RBFOX1: variants seen among roughly 807,000 people sequenced by gnomAD.
The protein encoded by RBFOX1 is RNA binding fox-1 homolog 1.
In RBFOX1, 8 loss-of-function variants were observed where a neutral mutation model predicts 57.7. The observed-to-expected ratio is 0.14, with a 90% confidence interval of 0.08 to 0.25. The LOEUF is 0.25. Among genes scored for constraint, RBFOX1 ranks in the 10% least tolerant of loss-of-function variants. RBFOX1 has a pLI of 1.00. For missense variants in RBFOX1, 611 were observed against 548.5 expected (o/e 1.11, Z -1.14); for synonymous variants, 326 against 222.4 (o/e 1.47, Z -4.15).
chr16:6,834,805 C>G (rs1330799097), intron 3 of RBFOX1, among the ~76,000 whole-genome samples: 2 of 151,662 alleles, frequency 1.3e-5, no homozygotes, highest in East Asian at 3.9e-4. Flanking sequence ...TAAATGTTTT[C>G]TTTTTCTCCC....
chr16:5,938,617 G>T (rs1011859855), intron 4 of RBFOX1, among the ~76,000 whole-genome samples: 2 of 152,108 alleles, frequency 1.3e-5, no homozygotes, highest in Non-Finnish European at 2.9e-5. Context: ...AACTTGATTT[G>T]GCTAATAGGA....
At chr16:7,121,460 A>G (rs1214701091) in intron 4 of RBFOX1, among the ~76,000 whole-genome samples, 1 of 152,112 alleles carries the variant, frequency 6.6e-6, no homozygotes, top group Non-Finnish European at 1.5e-5. Context: ...TTAAAAACAA[A>G]CCATTTACAA....
At chr16:6,810,637 G>T (rs2088278676) in intron 3 of RBFOX1, among the ~76,000 whole-genome samples, 2 of 152,014 alleles carry the variant, frequency 1.3e-5, no homozygotes, top group South Asian at 4.2e-4. Flanking sequence ...TTTTATAAAG[G>T]AAAGAGGTTT....
chr16:5,288,228 A>G (rs1446200146), intron 1 of RBFOX1, among the ~76,000 whole-genome samples: 1 of 152,238 alleles, frequency 6.6e-6, no homozygotes, highest in Non-Finnish European at 1.5e-5. Context: ...AGGGGTCAGA[A>G]TTGTTGAATA....
chr16:6,434,089 C>T (rs955933985), intron 2 of RBFOX1, among the ~76,000 whole-genome samples: 1 of 152,002 alleles, frequency 6.6e-6, no homozygotes, highest in African/African-American at 2.4e-5. Context: ...CTCAGGTTAT[C>T]CACCCACTTT....
intron 3 of RBFOX1, among the ~76,000 whole-genome samples, chr16:6,670,643 G>A (rs759662511): frequency 2.6e-5 from 4 of 152,064 alleles, no homozygotes; most frequent in Non-Finnish European, 5.9e-5. Context: ...ACTAAAATTA[G>A]CCAGGTTAAC....
At chr16:6,625,653 G>A (rs1174422459) in intron 2 of RBFOX1, among the ~76,000 whole-genome samples, 3 of 141,430 alleles carry the variant, frequency 2.1e-5, no homozygotes, top group Admixed American at 1.4e-4. Flanking sequence ...CACCGCCCCC[G>A]CCCCAAGAAA....
intron 14 of RBFOX1, among the ~76,000 whole-genome samples, chr16:7,703,694 G>A (rs969904036): frequency 2.0e-5 from 3 of 152,158 alleles, no homozygotes; most frequent in Non-Finnish European, 4.4e-5. Flanking sequence ...ACGTGTCTCA[G>A]TAGAGTTGAT....
intron 4 of RBFOX1, among the ~76,000 whole-genome samples, chr16:5,922,346 A>C (rs2058842925): frequency 6.6e-6 from 1 of 152,188 alleles, no homozygotes; most frequent in Non-Finnish European, 1.5e-5. Flanking sequence ...ACAAACATCT[A>C]AACCATATAG....
rs139909615 is a variant in RBFOX1, at chr16:6,433,454, G to C, written c.-64+116397G>C. Among the ~76,000 whole-genome samples, 20 of 152,342 alleles carry C rather than the reference G, an allele frequency of 1.3e-4. 1 individual carries two copies. The highest frequency in any genetic ancestry group is 4.8e-4 in the African/African-American group (20 of 41,586). On this transcript the variant is annotated intron_variant, in intron 2 of 15. Transcript: ENST00000550418. ...TCATGGGACTCAGACATGAATGCAA[G>C]TGTGGGGCCAGAGGCCAGCCTAGGA... is the stretch of plus-strand genomic sequence containing the variant.
At chr16:6,794,824 C>T (rs376895536) in intron 3 of RBFOX1, among the ~76,000 whole-genome samples, 1 of 152,218 alleles carries the variant, frequency 6.6e-6, no homozygotes, top group Admixed American at 6.5e-5. Flanking sequence ...TTATTTGATG[C>T]AGGCACTGCT....
chr16:5,868,163 C>G (rs2057386841), intron 4 of RBFOX1, among the ~76,000 whole-genome samples: 1 of 152,154 alleles, frequency 6.6e-6, no homozygotes, highest in Non-Finnish European at 1.5e-5. Flanking sequence ...GTAATGGGCT[C>G]CTGCAAAATA....
intron 14 of RBFOX1, among the ~76,000 whole-genome samples, chr16:7,692,727 A>G (rs1315346324): frequency 6.6e-6 from 1 of 152,082 alleles, no homozygotes; most frequent in Non-Finnish European, 1.5e-5. Flanking sequence ...AGCATTTTCT[A>G]TTTTCATTAT....
chr16:5,282,904 A>G (rs1047641747), intron 1 of RBFOX1, among the ~76,000 whole-genome samples: 1 of 152,200 alleles, frequency 6.6e-6, no homozygotes, highest in African/African-American at 2.4e-5. Flanking sequence ...TCAATGGGGA[A>G]AATGTCTCCA....
At chr16:7,064,483 T>C (rs969812748) in intron 4 of RBFOX1, among the ~76,000 whole-genome samples, 2 of 151,914 alleles carry the variant, frequency 1.3e-5, no homozygotes, top group Admixed American at 1.3e-4. Flanking sequence ...GGTGTTCTTA[T>C]AAGAAGAGGA....
intron 4 of RBFOX1, among the ~76,000 whole-genome samples, chr16:6,004,672 C>A (rs150881793): frequency 6.6e-6 from 1 of 152,224 alleles, no homozygotes; most frequent in African/African-American, 2.4e-5. Context: ...ATTTAATGCC[C>A]CTTGCCTTGA....
intron 3 of RBFOX1, among the ~76,000 whole-genome samples, chr16:6,841,073 GTTTT>G (rs2093435505): frequency 6.6e-6 from 1 of 151,704 alleles, no homozygotes; most frequent in Non-Finnish European, 1.5e-5. Flanking sequence ...CTGTTTGTTT[GTTTT>G]TAATTTTTAG....
At chr16:7,656,566 G>T (rs2066358882) in intron 12 of RBFOX1, among the ~76,000 whole-genome samples, 1 of 152,178 alleles carries the variant, frequency 6.6e-6, no homozygotes, top group South Asian at 2.1e-4. Context: ...TCAGGATTCA[G>T]GTGGTCCAGA....
intron 3 of RBFOX1, among the ~76,000 whole-genome samples, chr16:5,672,473 G>A (rs752694002): frequency 6.6e-6 from 1 of 152,052 alleles, no homozygotes; most frequent in East Asian, 1.9e-4. Flanking sequence ...CTGGCTTTGG[G>A]TGCACCTCAT....
Sources: gnomAD v4.1 joint callset for allele counts (sites outside exome capture counted in the v4.1 genomes callset) on GRCh38, gnomAD v4.1.1 for gene constraint, MANE v1.5 for transcripts, NCBI Gene and HGNC (gene_info 2026-07-23, HGNC 2026-07-21) for gene names.